ZNF99: variants seen among roughly 807,000 people sequenced by gnomAD.
ZNF99 encodes zinc finger protein ENSP00000375192.
ZNF99 carries 8 observed loss-of-function variants against 12.8 expected under a neutral mutation model. The observed-to-expected ratio is 0.62, with a 90% CI of 0.37 to 1.13. The LOEUF (loss-of-function observed/expected upper bound fraction) is 1.13. Among genes scored for constraint, ZNF99 ranks in the 50% most tolerant of loss-of-function variants. The pLI, the probability that ZNF99 is intolerant of heterozygous loss-of-function variation, is 0.02. For synonymous variants in ZNF99, 318 were observed against 319.0 expected (o/e 1.00, Z 0.03); for missense variants, 1,007 against 1,006.2 (o/e 1.00, Z -0.01).
rs560599229 is a variant in ZNF99, at chr19:22,763,804, A to G, written c.227-4122T>C. Among the ~76,000 whole-genome samples, 84 of 152,244 alleles carry G rather than the reference A, an allele frequency of 5.5e-4. 2 individuals are homozygous for G. The South Asian group carries it at 0.016, about 30-fold the overall frequency. On this transcript the variant is annotated intron_variant, in intron 3 of 3. Coordinates refer to ENST00000596209, the MANE Select transcript of ZNF99 (RefSeq NM_001080409.3). ...GGCACATAAACCAATGGAACAGAAT[A>G]GAGAACCCAGAAATAAACCCAAATA...
chr19:22,752,439 T>A lies in ZNF99; in HGVS notation c.*4875A>T, dbSNP rs546958655. The A allele has an allele frequency of 2.7e-5, 4 of 146,388 alleles. No homozygotes were observed. Among genetic ancestry groups the A allele is most frequent in the South Asian group, 4.3e-4 (2 of 4,652 alleles). 9.1% of individuals were successfully genotyped at this position (146,388 alleles called of 1,614,324 possible). Reference sequence around the variant, plus strand: ...AATATATCTACACACTATGTACCCATAAAAGTTAAGAAAAATAAGTTTAAA... The same window carrying A: ...AATATATCTACACACTATGTACCCAAAAAAGTTAAGAAAAATAAGTTTAAA... On this transcript the variant is annotated 3_prime_UTR_variant, in exon 4 of 4. Transcript: ENST00000596209.
chr19:22,772,168 TTAC>T (rs1973280753), intron 1 of ZNF99, among the ~76,000 whole-genome samples: 1 of 152,122 alleles, frequency 6.6e-6, no homozygotes, highest in Admixed American at 6.6e-5. Context: ...AGCAGTGTGA[TTAC>T]AAGTTGATTT....
At position 22,752,249 on chromosome 19, in the gene ZNF99, T is replaced by G. The variant is rs1972978796; in HGVS notation, c.*5065A>C. The G allele has an allele frequency of 6.6e-6, 1 of 152,044 alleles. No homozygotes were observed. The highest frequency in any genetic ancestry group is 1.5e-5 in the Non-Finnish European group (1 of 68,014). 9.4% of individuals were successfully genotyped at this position (152,044 alleles called of 1,614,324 possible). A position where few individuals can be genotyped will look rare whatever the true frequency, so the allele number is the denominator to read the frequency against. ...TATTATGACCACAAAAATGACGCTATAATAAAGATAACAATTTAGTTTTAT... is the reference window on the plus strand; with the variant it reads ...TATTATGACCACAAAAATGACGCTAGAATAAAGATAACAATTTAGTTTTAT... On this transcript the variant is annotated 3_prime_UTR_variant, in exon 4 of 4. Transcript: ENST00000596209.
chr19:22,776,850 G>C (rs533306214), intron 1 of ZNF99, among the ~76,000 whole-genome samples: 9 of 152,240 alleles, frequency 5.9e-5, no homozygotes, highest in African/African-American at 2.2e-4. Context: ...ACTGGATAAA[G>C]AAAATATGGT....
chr19:22,781,851 G>A (rs1455618136), intron 1 of ZNF99, among the ~76,000 whole-genome samples: 2 of 151,430 alleles, frequency 1.3e-5, no homozygotes, highest in Non-Finnish European at 3.0e-5. Flanking sequence ...CCAGGACCAG[G>A]GAAAAAACTG....
At chr19:22,774,105 GA>G (rs1410281814) in intron 1 of ZNF99, 3 of 153,342 alleles carry the variant, frequency 2.0e-5, no homozygotes, top group Admixed American at 6.6e-5. Context: ...GCACTGGACA[GA>G]AAAACAGCTC....
chr19:22,757,478 G>C lies in ZNF99; in HGVS notation c.2431C>G (p.His811Asp), dbSNP rs558604894. The C allele has an allele frequency of 6.2e-7, 1 of 1,608,986 alleles. No homozygotes were observed. The highest frequency in any genetic ancestry group is 1.4e-5 in the African/African-American group (1 of 73,834). ...SSTLRKHEII[H>D]TGEKSYKCEE... Reference sequence around the variant, plus strand: ...CATTTGTAGGATTTCTCTCCAGTATGAATTATCTCATGTTTTCTAAGGGTT... The same window carrying C: ...CATTTGTAGGATTTCTCTCCAGTATCAATTATCTCATGTTTTCTAAGGGTT... The change falls in exon 4 of 4, where the codon CAT (histidine) becomes GAT (aspartate). Residue 811 changes from histidine to aspartate, a missense_variant. By Grantham distance (81) the His-to-Asp change is moderately conservative. Coordinates refer to ENST00000596209, the MANE Select transcript of ZNF99 (RefSeq NM_001080409.3).
At chr19:22,774,002 T>G (rs1973299511) in intron 1 of ZNF99, 1 of 153,534 alleles carries the variant, frequency 6.5e-6, no homozygotes. Flanking sequence ...ATTTCCAACA[T>G]GAGTCCAGAC....
intron 3 of ZNF99, among the ~76,000 whole-genome samples, chr19:22,766,426 G>A (rs775455062): frequency 6.6e-6 from 1 of 150,654 alleles, no homozygotes; most frequent in South Asian, 2.1e-4. Flanking sequence ...CACAACCTAC[G>A]CCTCTGGGTT....
chr19:22,765,566 TA>T (rs989866338), intron 3 of ZNF99, among the ~76,000 whole-genome samples: 6 of 151,716 alleles, frequency 4.0e-5, no homozygotes, highest in Non-Finnish European at 8.8e-5. Flanking sequence ...TTTGATGTAA[TA>T]AAAAAAATTC....
Position 22,757,394 on chromosome 19 carries a change from G to T in ZNF99, c.2515C>A (p.His839Asn), listed in dbSNP as rs765785906. The T allele has an allele frequency of 5.6e-6, 9 of 1,603,724 alleles. No homozygotes were observed. Among genetic ancestry groups the T allele is most frequent in the Non-Finnish European group, 6.8e-6 (8 of 1,177,260 alleles). ...ACATTTGCAGGGTTTCTCTCCATAT[G>T]AATTACCTTATGTAAAGTAAGTTTT... Reference protein sequence around the residue: ...SSKLTLHKVIHMERNPANVKN... With the variant: ...SSKLTLHKVINMERNPANVKN... The change falls in exon 4 of 4, where the codon CAT (histidine) becomes AAT (asparagine). Residue 839 changes from histidine (H) to asparagine (N), a missense_variant. Physicochemically the swap from His to Asn is moderately conservative, Grantham distance 68 (BLOSUM62 1). Coordinates refer to ENST00000596209, the MANE Select transcript of ZNF99 (RefSeq NM_001080409.3).
chr19:22,766,589 G>A (rs565007691), intron 3 of ZNF99, among the ~76,000 whole-genome samples: 300 of 151,532 alleles, frequency 2.0e-3, no homozygotes, highest in Non-Finnish European at 3.3e-3. Context: ...CACCCACTTC[G>A]GTCTCCCAAA....
chr19:22,769,371 G>A (rs760488781), intron 1 of ZNF99, 47 bp from the exon 2 acceptor site: 18 of 1,564,686 alleles, frequency 1.2e-5, no homozygotes, highest in Non-Finnish European at 1.4e-5. Flanking sequence ...ATTGGCCATG[G>A]ACAGAATTTT....
chr19:22,767,548 A>C (rs1159475814), intron 3 of ZNF99, among the ~76,000 whole-genome samples: 16 of 152,134 alleles, frequency 1.1e-4, no homozygotes, highest in Admixed American at 1.0e-3. Flanking sequence ...AAAATGGGTC[A>C]ATTTACCAGG....
Position 22,756,292 on chromosome 19 carries a change from G to A in ZNF99, c.*1022C>T. On this transcript the variant is annotated 3_prime_UTR_variant, in exon 4 of 4. Coordinates refer to ENST00000596209, the MANE Select transcript of ZNF99 (RefSeq NM_001080409.3). ...CTTTGCCACATTCTTCACATTTGTA[G>A]GTTTTCCCTCCAGTATGAATTGTTT... is the stretch of plus-strand genomic sequence containing the variant. The A allele has an allele frequency of 6.4e-7, 1 of 1,568,304 alleles. No homozygotes were observed. The highest frequency in any genetic ancestry group is 8.6e-7 in the Non-Finnish European group (1 of 1,156,318).
intron 1 of ZNF99, among the ~76,000 whole-genome samples, chr19:22,773,432 T>C (rs1469265157): frequency 1.4e-5 from 2 of 147,928 alleles, no homozygotes; most frequent in Non-Finnish European, 3.0e-5. Flanking sequence ...ATGGTCACCT[T>C]AATTAGTTAA....
At chr19:22,765,513 G>C (rs1478566769) in intron 3 of ZNF99, among the ~76,000 whole-genome samples, 2 of 151,460 alleles carry the variant, frequency 1.3e-5, no homozygotes, top group Non-Finnish European at 2.9e-5. Context: ...AAATAAAGTA[G>C]TACACAGGTT....
chr19:22,777,124 C>G (rs1269249908), intron 1 of ZNF99, among the ~76,000 whole-genome samples: 1 of 152,088 alleles, frequency 6.6e-6, no homozygotes, highest in Non-Finnish European at 1.5e-5. Context: ...TGTACTCCAG[C>G]CTGGGTGACA....
At chr19:22,763,867 A>C (rs1047710257) in intron 3 of ZNF99, among the ~76,000 whole-genome samples, 2 of 150,900 alleles carry the variant, frequency 1.3e-5, no homozygotes, top group African/African-American at 2.4e-5. Context: ...AAACAAAAAC[A>C]TAAAGTAGGG....
Sources: gnomAD v4.1 joint callset for allele counts (sites outside exome capture counted in the v4.1 genomes callset) on GRCh38, gnomAD v4.1.1 for gene constraint, MANE v1.5 for transcripts, NCBI Gene and HGNC (gene_info 2026-07-23, HGNC 2026-07-21) for gene names.